FRMD4B: variants seen among roughly 807,000 people sequenced by gnomAD.
FRMD4B encodes the protein FERM domain-containing protein 4B.
A neutral mutation model predicts 141.5 loss-of-function variants in FRMD4B; 74 were observed. The observed-to-expected ratio is 0.52, with a 90% CI of 0.43 to 0.63. FRMD4B has a LOEUF of 0.63. Among genes scored for constraint, FRMD4B ranks in the 30% least tolerant of loss-of-function variants. The pLI, the probability that FRMD4B is intolerant of heterozygous loss-of-function variation, is 0.00. For synonymous variants in FRMD4B, 506 were observed against 467.9 expected, an observed-to-expected ratio of 1.08 and a Z score of -1.05; for missense variants, 1,366 against 1,253.4, an observed-to-expected ratio of 1.09 and a Z score of -1.36.
chr3:69,192,601 T>C (rs2092850438), intron 17 of FRMD4B, among the ~76,000 whole-genome samples: 1 of 152,150 alleles, frequency 6.6e-6, no homozygotes. Flanking sequence ...CATAAATACA[T>C]AATGTTGAGA....
At chr3:69,196,794 C>A in intron 13 of FRMD4B, 106 bp downstream of exon 13, 1 of 851,174 alleles carries the variant, frequency 1.2e-6, no homozygotes, top group East Asian at 2.7e-5. Flanking sequence ...AAAAAAATCT[C>A]AGAGAGCAAA....
chr3:69,372,374 A>C (rs1229054841), intron 1 of FRMD4B, among the ~76,000 whole-genome samples: 1 of 152,216 alleles, frequency 6.6e-6, no homozygotes, highest in Admixed American at 6.5e-5. Flanking sequence ...GTGCTTTAAT[A>C]AACAATGAGG....
chr3:69,312,402 T>C (rs552140344), intron 2 of FRMD4B, among the ~76,000 whole-genome samples: 1 of 152,154 alleles, frequency 6.6e-6, no homozygotes, highest in Admixed American at 6.5e-5. Context: ...AAGCTACTGT[T>C]GACTGTACTA....
chr3:69,187,257 C>T (rs1271769856), intron 19 of FRMD4B, among the ~76,000 whole-genome samples: 14 of 152,080 alleles, frequency 9.2e-5, no homozygotes, highest in Non-Finnish European at 1.5e-5. Flanking sequence ...TTCTTAAAAA[C>T]ATTTTCAGCC....
At chr3:69,339,021 C>G (rs1337814353) in intron 1 of FRMD4B, among the ~76,000 whole-genome samples, 1 of 152,102 alleles carries the variant, frequency 6.6e-6, no homozygotes, top group Non-Finnish European at 1.5e-5. Flanking sequence ...TTACGCATCC[C>G]CCGCCATTTG....
chr3:69,357,677 C>T lies in FRMD4B; in HGVS notation c.162+28151G>A, dbSNP rs138817894. Among the ~76,000 whole-genome samples the T allele has an allele frequency of 1.8e-3, 276 of 152,298 alleles. 2 individuals are homozygous for T. The highest frequency in any genetic ancestry group is 6.4e-3 in the African/African-American group (268 of 41,580). On this transcript the variant is annotated intron_variant, in intron 1 of 22. Transcript: ENST00000398540. Reference sequence around the variant, plus strand: ...CAAAACTATCACTTTCATCACAGAACATTTCACATACTGAATGAATGCCAG... The same window carrying T: ...CAAAACTATCACTTTCATCACAGAATATTTCACATACTGAATGAATGCCAG...
At chr3:69,212,381 G>GAAAAAAAAAAAAAAAAAAAAAAAAAAAA (rs61444871) in intron 11 of FRMD4B, among the ~76,000 whole-genome samples, 1 of 95,598 alleles carries the variant, frequency 1.0e-5, no homozygotes, top group Non-Finnish European at 1.9e-5. Context: ...AAAAAAAAAA[G>GAAAAAAAAAAAAAAAAAAAAAAAAAAAA]AAAAAAAAAA....
chr3:69,381,717 A>G (rs148080980), intron 1 of FRMD4B, among the ~76,000 whole-genome samples: 2,439 of 152,300 alleles, frequency 0.016, 62 homozygotes, highest in African/African-American at 0.056. Context: ...GGCAAAATAC[A>G]TACAAAGGTA....
chr3:69,502,562 C>G (rs1015786030), intron 1 of FRMD4B, among the ~76,000 whole-genome samples: 3 of 152,150 alleles, frequency 2.0e-5, no homozygotes, highest in Admixed American at 6.6e-5. Flanking sequence ...AATGTTAGAA[C>G]TAAAACCATA....
At chr3:69,215,284 CT>C (rs577275162) in intron 11 of FRMD4B, among the ~76,000 whole-genome samples, 48 of 45,218 alleles carry the variant, frequency 1.1e-3, no homozygotes, top group South Asian at 4.3e-3. Flanking sequence ...TTGTGACCCT[CT>C]TTTTTTTTTT....
rs544344119 is a variant in FRMD4B, at chr3:69,195,013, T to G, written c.1488+9A>C. 86 of 1,611,992 alleles carry G rather than the reference T, an allele frequency of 5.3e-5. No homozygotes were observed. The highest frequency in any genetic ancestry group is 3.1e-4 in the South Asian group (28 of 90,868). ...GATTAATTGAAAGGCTCAGAGGCGT[T>G]GTTCATACTTCTTCACTCGGCAGCA... On this transcript the variant is annotated intron_variant, in intron 16 of 22. Transcript: ENST00000398540.
intron 1 of FRMD4B, among the ~76,000 whole-genome samples, chr3:69,458,924 A>G (rs1404222656): frequency 6.6e-6 from 1 of 151,426 alleles, no homozygotes; most frequent in Non-Finnish European, 1.5e-5. Flanking sequence ...CAAAGATGTC[A>G]CTTAAAATTG....
chr3:69,324,133 TG>T (rs1702104856), intron 1 of FRMD4B, among the ~76,000 whole-genome samples: 1 of 152,182 alleles, frequency 6.6e-6, no homozygotes, highest in African/African-American at 2.4e-5. Flanking sequence ...TGATCTTCCT[TG>T]GGCAGTCAGG....
chr3:69,203,885 T>C (rs1331027179), intron 11 of FRMD4B, among the ~76,000 whole-genome samples: 2 of 152,252 alleles, frequency 1.3e-5, no homozygotes, highest in African/African-American at 4.8e-5. Context: ...AACTGCTCTC[T>C]GGATCCCACA....
intron 11 of FRMD4B, chr3:69,200,646 G>C (rs72930244): frequency 8.1e-7 from 1 of 1,231,612 alleles, no homozygotes; most frequent in African/African-American, 1.6e-5. Flanking sequence ...TCAGGGAGAG[G>C]AGGGCAAAGT....
intron 1 of FRMD4B, among the ~76,000 whole-genome samples, chr3:69,434,142 G>A (rs765209220): frequency 2.0e-5 from 3 of 152,166 alleles, no homozygotes; most frequent in Non-Finnish European, 4.4e-5. Flanking sequence ...AATGTCACGT[G>A]CAAAGAACTA....
intron 1 of FRMD4B, among the ~76,000 whole-genome samples, chr3:69,534,715 A>G (rs1575603516): frequency 6.6e-6 from 1 of 152,346 alleles, no homozygotes; most frequent in African/African-American, 2.4e-5. Context: ...AAAAAATATG[A>G]CATTATAATT....
chr3:69,184,813 T>C (rs1252017047), intron 19 of FRMD4B, among the ~76,000 whole-genome samples: 1 of 152,210 alleles, frequency 6.6e-6, no homozygotes, highest in East Asian at 1.9e-4. Flanking sequence ...TAGCCACATG[T>C]GGCTGCTGAG....
At chr3:69,388,783 C>T (rs144235167), upstream of FRMD4B, among the ~76,000 whole-genome samples, 203 of 152,224 alleles carry the variant, frequency 1.3e-3, no homozygotes, top group African/African-American at 4.7e-3. Flanking sequence ...CATAACCCCC[C>T]GAATCAAGAA....
Sources: allele counts gnomAD v4.1 joint callset (sites outside exome capture counted in the v4.1 genomes callset), GRCh38; gene constraint gnomAD v4.1.1; transcripts MANE v1.5; gene names NCBI Gene and HGNC (gene_info 2026-07-23, HGNC 2026-07-21).